UGT1A8: variants seen among roughly 807,000 people sequenced by gnomAD.
The protein encoded by UGT1A8 is UDP-glucuronosyltransferase 1A8.
A neutral mutation model predicts 45.3 loss-of-function variants in UGT1A8; 39 were observed. The ratio of observed to expected loss-of-function variants is 0.86; its 90% CI spans 0.67 to 1.12. The LOEUF is 1.12. UGT1A8 is among the 50% of genes most tolerant of loss of function. The probability of loss-of-function intolerance (pLI) is 0.00; values close to 1 mark genes in which losing one functional copy is unlikely to be tolerated. For missense variants in UGT1A8, 719 were observed against 664.9 expected (o/e 1.08, Z -0.90); for synonymous variants, 275 against 249.2 (o/e 1.10, Z -0.97).
At chr2:233,656,401 G>A (rs901276868) in intron 1 of UGT1A8, among the ~76,000 whole-genome samples, 2 of 152,176 alleles carry the variant, frequency 1.3e-5, no homozygotes, top group Admixed American at 6.5e-5. Flanking sequence ...CAGTATTTGT[G>A]GCTTATGGAA....
chr2:233,713,474 G>A, intron 1 of UGT1A8: 1 of 1,614,060 alleles, frequency 6.2e-7, no homozygotes, highest in South Asian at 1.1e-5. Flanking sequence ...CGGCGGTGCT[G>A]GCTAAGTACC....
At position 233,636,936 on chromosome 2, in the gene UGT1A8, G is replaced by A. The variant is rs1322316630; in HGVS notation, c.855+18374G>A. On this transcript the variant is annotated intron_variant, in intron 1 of 4. Coordinates refer to ENST00000373450, the MANE Select transcript of UGT1A8 (RefSeq NM_019076.5). ...ACCGAAAATTAGTAGAATACTTAAAGGAGAGTTCTTTTGATGCAGTGTTTC... is the reference window on the plus strand; with the variant it reads ...ACCGAAAATTAGTAGAATACTTAAAAGAGAGTTCTTTTGATGCAGTGTTTC... The A allele has an allele frequency of 3.7e-6, 6 of 1,613,980 alleles. No individual in the cohort carries two copies. In the Admixed American group the frequency reaches 6.7e-5, roughly 18 times the overall value.
chr2:233,743,913 C>G (rs1692584630), intron 1 of UGT1A8: 1 of 1,365,508 alleles, frequency 7.3e-7, no homozygotes, highest in Non-Finnish European at 9.8e-7. Context: ...TAGTAGTCCA[C>G]CATGCTGGAT....
At chr2:233,666,098 C>A (rs2074070846) in intron 1 of UGT1A8, among the ~76,000 whole-genome samples, 1 of 152,250 alleles carries the variant, frequency 6.6e-6, no homozygotes, top group Non-Finnish European at 1.5e-5. Flanking sequence ...TACTTCCACT[C>A]ATGGCAGAAG....
At chr2:233,723,129 G>A (rs1366176917) in intron 1 of UGT1A8, among the ~76,000 whole-genome samples, 2 of 137,690 alleles carry the variant, frequency 1.5e-5, no homozygotes, top group Non-Finnish European at 3.1e-5. Context: ...TTTCTGTACA[G>A]TACCAATTCT....
intron 1 of UGT1A8, among the ~76,000 whole-genome samples, chr2:233,686,447 C>T (rs759109089): frequency 5.9e-5 from 9 of 152,118 alleles, no homozygotes; most frequent in Non-Finnish European, 1.3e-4. Flanking sequence ...TGGAGGCTCT[C>T]CCATGAAACA....
intron 1 of UGT1A8, chr2:233,693,643 T>C: frequency 6.2e-7 from 1 of 1,614,190 alleles, no homozygotes; most frequent in Non-Finnish European, 8.5e-7. Context: ...CCAACTTCCT[T>C]GTTAATTTGT....
chr2:233,681,401 G>T (rs2074521999), intron 1 of UGT1A8, among the ~76,000 whole-genome samples: 1 of 151,800 alleles, frequency 6.6e-6, no homozygotes, highest in African/African-American at 2.4e-5. Flanking sequence ...GGGCATGGCA[G>T]CGTGCGCCTG....
intron 2 of UGT1A8, 111 bp downstream of exon 2, chr2:233,767,276 C>CGGAA (rs1699353550): frequency 6.3e-7 from 1 of 1,578,136 alleles, no homozygotes; most frequent in Non-Finnish European, 8.5e-7. Context: ...TTGGCTTTTC[C>CGGAA]CTGCCACTTC....
At chr2:233,637,421 G>A (rs746857577) in intron 1 of UGT1A8, 53 of 1,545,246 alleles carry the variant, frequency 3.4e-5, no homozygotes, top group Non-Finnish European at 4.6e-5. Context: ...ATCTGGCTTT[G>A]GAAATTAAAA....
At chr2:233,713,959 G>T in intron 1 of UGT1A8, 2 of 1,607,338 alleles carry the variant, frequency 1.2e-6, no homozygotes, top group South Asian at 2.2e-5. Flanking sequence ...TCTTTCCAAA[G>T]ATTTCATTTC....
chr2:233,719,178 G>T lies in UGT1A8; in HGVS notation c.856-47856G>T, dbSNP rs749190317. 40 of 1,614,238 alleles carry T rather than the reference G, an allele frequency of 2.5e-5. No homozygotes were observed. The South Asian group carries it at 4.2e-4, about 17-fold the overall frequency. ...TAGAAGTATGGCAATTATGAACAAT[G>T]TATCTTTGGCCCTTCATAGGTGTTG... is the stretch of plus-strand genomic sequence containing the variant. On this transcript the variant is annotated intron_variant, in intron 1 of 4. Transcript: ENST00000373450.
intron 1 of UGT1A8, among the ~76,000 whole-genome samples, chr2:233,641,843 C>T (rs1466898153): frequency 6.6e-6 from 1 of 152,086 alleles, no homozygotes. Context: ...CTCTCCTGGC[C>T]TGTAAGGGTT....
At chr2:233,707,180 T>G (rs2075945889) in intron 1 of UGT1A8, among the ~76,000 whole-genome samples, 2 of 152,156 alleles carry the variant, frequency 1.3e-5, no homozygotes, top group Non-Finnish European at 2.9e-5. Flanking sequence ...CCATCCTGGG[T>G]GCCTGCCCTC....
chr2:233,755,374 C>T (rs1205727870), intron 1 of UGT1A8: 2 of 355,400 alleles, frequency 5.6e-6, no homozygotes, highest in East Asian at 1.5e-4. Flanking sequence ...CCTGGAGGGC[C>T]GCCCCTTATG....
chr2:233,730,153 G>T (rs1158500294), intron 1 of UGT1A8, among the ~76,000 whole-genome samples: 1 of 152,204 alleles, frequency 6.6e-6, no homozygotes, highest in East Asian at 1.9e-4. Flanking sequence ...CTGTTAAGGG[G>T]TCTCTAGTAG....
chr2:233,643,863 C>T (rs1433255166), intron 1 of UGT1A8, among the ~76,000 whole-genome samples: 1 of 152,170 alleles, frequency 6.6e-6, no homozygotes. Context: ...GGGCCTGGCA[C>T]AGGGGCCTCA....
intron 1 of UGT1A8, among the ~76,000 whole-genome samples, chr2:233,685,717 G>C (rs1163706529): frequency 3.9e-5 from 6 of 152,142 alleles, no homozygotes; most frequent in Non-Finnish European, 8.8e-5. Flanking sequence ...ATATCTTGCT[G>C]TACTGCTTCG....
intron 1 of UGT1A8, chr2:233,693,129 T>C: frequency 6.2e-7 from 1 of 1,614,192 alleles, no homozygotes; most frequent in Non-Finnish European, 8.5e-7. Flanking sequence ...TGGCTTAGTA[T>C]GAAGGATATA....
Sources: allele counts gnomAD v4.1 joint callset (sites outside exome capture counted in the v4.1 genomes callset), GRCh38; gene constraint gnomAD v4.1.1; transcripts MANE v1.5; gene names NCBI Gene and HGNC (gene_info 2026-07-23, HGNC 2026-07-21).